Variants in HSPA12A observed in about 807,000 individuals in gnomAD.
HSPA12A encodes the protein heat shock 70 kDa protein 12A.
Under a neutral mutation model 69.2 loss-of-function variants are expected in HSPA12A, and 28 were observed. That is an observed-to-expected ratio of 0.40 (90% CI 0.30 to 0.55). The LOEUF is 0.55. HSPA12A is among the 20% of genes least tolerant of loss of function. HSPA12A has a pLI of 0.38. For synonymous variants in HSPA12A, 345 were observed against 370.5 expected, an observed-to-expected ratio of 0.93 and a Z score of 0.79; for missense variants, 686 against 900.7, an observed-to-expected ratio of 0.76 and a Z score of 3.05.
chr10:116,797,432 G>A (rs1290465310), intron 2 of HSPA12A, among the ~76,000 whole-genome samples: 5 of 152,076 alleles, frequency 3.3e-5, no homozygotes, highest in Non-Finnish European at 1.5e-5. Flanking sequence ...GTGTGCTCCC[G>A]CTTACTCCAG....
At position 116,750,111 on chromosome 10, in the gene HSPA12A, G is replaced by A. The variant is rs1851740297; in HGVS notation, c.92-42826C>T. On this transcript the variant is annotated intron_variant, in intron 2 of 12. Coordinates refer to the HSPA12A transcript ENST00000635765. ...CACATTGCTTATGCCTGTATGGAAG[G>A]GGATATGATAATGTGTGTACCTTAT... is the stretch of plus-strand genomic sequence containing the variant. 1.2e-5 allele frequency: 6 copies of A among 480,152 alleles called. 1 individual carries two copies. The South Asian group carries it at 1.8e-4, about 15-fold the overall frequency. 29.7% of individuals were successfully genotyped at this position (480,152 alleles called of 1,614,324 possible).
At chr10:116,744,128 AC>A (rs1402321719), upstream of HSPA12A, among the ~76,000 whole-genome samples, 2 of 151,638 alleles carry the variant, frequency 1.3e-5, no homozygotes, top group Non-Finnish European at 2.9e-5. Context: ...GTCTGTCCCC[AC>A]CCTACTCCAG....
intron 2 of HSPA12A, among the ~76,000 whole-genome samples, chr10:116,788,494 C>T (rs1212642114): frequency 6.6e-6 from 1 of 152,120 alleles, no homozygotes; most frequent in African/African-American, 2.4e-5. Flanking sequence ...TCTAAAAAAA[C>T]AATAATGAAA....
chr10:116,718,939 C>A (rs1404388936), intron 1 of HSPA12A, among the ~76,000 whole-genome samples: 3 of 151,928 alleles, frequency 2.0e-5, no homozygotes, highest in Admixed American at 2.0e-4. Flanking sequence ...TATGAATCGA[C>A]ACGAGATTCA....
intron 2 of HSPA12A, among the ~76,000 whole-genome samples, chr10:116,785,778 G>A (rs554429773): frequency 9.9e-5 from 15 of 151,998 alleles, no homozygotes; most frequent in Non-Finnish European, 1.6e-4. Flanking sequence ...GCCATCCACC[G>A]GTTATCCCAG....
rs782566866 is a variant in HSPA12A at position 116,716,518 on chromosome 10, G to GT, written c.41-9234dup. ...CTCCTGTTGGGGACAAGGGCACTGG[G>GT]TTTTCTGCTCAGGCCCCAGGTTGGC... On this transcript the variant is annotated intron_variant, in intron 1 of 11. Transcript: ENST00000369209. Among the ~76,000 whole-genome samples, 94 of 152,280 alleles carry GT rather than the reference G, an allele frequency of 6.2e-4. No individual in the cohort carries two copies. In the Middle Eastern group the frequency reaches 0.014, roughly 22 times the overall value.
At chr10:116,808,254 T>G (rs1256157796) in intron 2 of HSPA12A, among the ~76,000 whole-genome samples, 1 of 127,916 alleles carries the variant, frequency 7.8e-6, no homozygotes, top group African/African-American at 3.0e-5. Flanking sequence ...AGCTTGGCTA[T>G]GAGAACAGAT....
intron 2 of HSPA12A, among the ~76,000 whole-genome samples, chr10:116,803,832 T>G (rs1459626748): frequency 4.6e-5 from 7 of 152,230 alleles, no homozygotes; most frequent in Admixed American, 3.3e-4. Context: ...TCATTCATAA[T>G]GTTTCATACA....
At chr10:116,691,008 A>G (rs1218699646) in intron 6 of HSPA12A, among the ~76,000 whole-genome samples, 1 of 152,188 alleles carries the variant, frequency 6.6e-6, no homozygotes, top group African/African-American at 2.4e-5. Flanking sequence ...GGCTGACACT[A>G]TGGAGCTTGT....
At chr10:116,733,484 C>T (rs1461840764) in intron 1 of HSPA12A, among the ~76,000 whole-genome samples, 2 of 152,176 alleles carry the variant, frequency 1.3e-5, no homozygotes, top group African/African-American at 4.8e-5. Flanking sequence ...CCCCAAGGGA[C>T]ATCATTTAAT....
chr10:116,692,299 A>G (rs733216), intron 6 of HSPA12A, 52 bp downstream of exon 6: 687,911 of 1,399,210 alleles, frequency 0.49, 171,495 homozygotes, highest in African/African-American at 0.61. Flanking sequence ...ACCACCCTGG[A>G]CATCTTGAGT....
At chr10:116,742,863 T>C (rs1554887466), upstream of HSPA12A, among the ~76,000 whole-genome samples, 4 of 151,608 alleles carry the variant, frequency 2.6e-5, no homozygotes, top group Non-Finnish European at 5.9e-5. Flanking sequence ...CGGGAGCGGA[T>C]TTCAGGCCCT....
intron 2 of HSPA12A, among the ~76,000 whole-genome samples, chr10:116,833,924 G>C (rs1845665531): frequency 6.6e-6 from 1 of 152,150 alleles, no homozygotes; most frequent in Admixed American, 6.5e-5. Flanking sequence ...TCTGGGGTCT[G>C]AGACCACTTG....
chr10:116,674,566 T>C lies in HSPA12A; in HGVS notation c.*215A>G, dbSNP rs1564769498. ...GCTGCTCCTCCAGGATCCTTTAATT[T>C]TCTATGCCTAAACCTTAATCTTAAT... On this transcript the variant is annotated 3_prime_UTR_variant, in exon 12 of 12. Transcript: ENST00000369209. The C allele has an allele frequency of 3.4e-6, 2 of 592,818 alleles. No individual in the cohort carries two copies. The highest frequency in any genetic ancestry group is 2.2e-5 in the South Asian group (1 of 45,818). The allele number at this position is 592,818 out of a possible 1,614,324, so 36.7% of individuals were successfully genotyped here.
chr10:116,742,306 G>A, intron 1 of HSPA12A, 124 bp downstream of exon 1: 1 of 1,057,648 alleles, frequency 9.5e-7, no homozygotes, highest in Non-Finnish European at 1.2e-6. Flanking sequence ...CGCCAGAACT[G>A]GATGCAGCGC....
chr10:116,843,759 A>T (rs1406087832), intron 1 of HSPA12A, among the ~76,000 whole-genome samples: 1 of 152,238 alleles, frequency 6.6e-6, no homozygotes, highest in Non-Finnish European at 1.5e-5. Context: ...ATATATTTTT[A>T]AAATGTATAT....
intron 5 of HSPA12A, among the ~76,000 whole-genome samples, chr10:116,692,738 G>T (rs1368346631): frequency 6.6e-6 from 1 of 152,210 alleles, no homozygotes; most frequent in Non-Finnish European, 1.5e-5. Context: ...CTAATCATGT[G>T]ACTTTGGACA....
chr10:116,778,039 T>C (rs1844380193), intron 2 of HSPA12A, among the ~76,000 whole-genome samples: 1 of 152,148 alleles, frequency 6.6e-6, no homozygotes, highest in Non-Finnish European at 1.5e-5. Context: ...TATTTAACTC[T>C]TAATAATGGC....
intron 2 of HSPA12A, among the ~76,000 whole-genome samples, chr10:116,758,922 A>C (rs1843911923): frequency 6.6e-6 from 1 of 152,196 alleles, no homozygotes; most frequent in African/African-American, 2.4e-5. Context: ...TCCTGACAAC[A>C]GAATCCTGGA....
Sources: allele counts gnomAD v4.1 joint callset (sites outside exome capture counted in the v4.1 genomes callset), GRCh38; gene constraint gnomAD v4.1.1; transcripts MANE v1.5; gene names NCBI Gene and HGNC (gene_info 2026-07-23, HGNC 2026-07-21).